NIM1K: variants seen among roughly 807,000 people sequenced by gnomAD.
NIM1K encodes the protein NIM1 serine/threonine protein kinase.
A neutral mutation model predicts 37.1 loss-of-function variants in NIM1K; 35 were observed. The ratio of observed to expected loss-of-function variants is 0.94; its 90% confidence interval spans 0.72 to 1.25. The LOEUF is 1.25. Ranked by LOEUF, NIM1K falls within the 50% of genes most tolerant of loss-of-function variation. The probability of loss-of-function intolerance (pLI) is 0.00; values close to 1 mark genes in which losing one functional copy is unlikely to be tolerated. For synonymous variants in NIM1K, 234 were observed against 206.6 expected, an observed-to-expected ratio of 1.13 and a Z score of -1.14; for missense variants, 564 against 548.0, an observed-to-expected ratio of 1.03 and a Z score of -0.29.
At position 43,253,817 on chromosome 5, in the gene NIM1K, G is replaced by T. The variant is rs564131773; in HGVS notation, c.292+7750G>T. 1.1e-3 allele frequency among the ~76,000 whole-genome samples: 170 copies of T among 152,120 alleles called. 2 individuals are homozygous for T. Among genetic ancestry groups the T allele is most frequent in the African/African-American group, 4.0e-3 (168 of 41,514 alleles). On this transcript the variant is annotated intron_variant, in intron 2 of 3. Coordinates refer to ENST00000326035, the MANE Select transcript of NIM1K (RefSeq NM_153361.4). ...TGGGATTACAGGCACACGCCACCAT[G>T]CTCGGCAATTTTTTTTTGTATCTTT...
intron 1 of NIM1K, among the ~76,000 whole-genome samples, chr5:43,238,926 A>G (rs910083050): frequency 3.2e-5 from 4 of 124,100 alleles, no homozygotes; most frequent in East Asian, 2.6e-4. Context: ...TAGAGAAAGT[A>G]ACAACCTATC....
intron 1 of NIM1K, among the ~76,000 whole-genome samples, chr5:43,233,456 C>G (rs1479236883): frequency 2.0e-5 from 3 of 152,162 alleles, no homozygotes; most frequent in Non-Finnish European, 4.4e-5. Flanking sequence ...ATGAGAGGCT[C>G]TTAATAAAGG....
chr5:43,243,841 A>G (rs1437535672), intron 1 of NIM1K, among the ~76,000 whole-genome samples: 2 of 152,148 alleles, frequency 1.3e-5, no homozygotes, highest in Non-Finnish European at 2.9e-5. Context: ...GCTAAGGGGT[A>G]CACCACCACA....
At chr5:43,233,495 T>C (rs1356559337) in intron 1 of NIM1K, among the ~76,000 whole-genome samples, 3 of 152,190 alleles carry the variant, frequency 2.0e-5, no homozygotes, top group Non-Finnish European at 4.4e-5. Flanking sequence ...ATTTTATGGT[T>C]TTATGGTGAT....
chr5:43,268,922 A>AT (rs1198660726), intron 2 of NIM1K, among the ~76,000 whole-genome samples: 1 of 151,132 alleles, frequency 6.6e-6, no homozygotes, highest in East Asian at 1.9e-4. Context: ...CAGTGATATA[A>AT]TTTTTGCAAA....
chr5:43,258,105 A>G (rs1752973545), intron 2 of NIM1K, among the ~76,000 whole-genome samples: 1 of 152,106 alleles, frequency 6.6e-6, no homozygotes, highest in Non-Finnish European at 1.5e-5. Context: ...CCTCCATTCT[A>G]TTCTCTACAT....
intron 1 of NIM1K, among the ~76,000 whole-genome samples, chr5:43,213,148 ATTTTCTTTCTTTCTTT>A (rs869242492): frequency 0.083 from 11,786 of 141,432 alleles, 866 homozygotes; most frequent in East Asian, 0.16. Flanking sequence ...AAAAATCTCC[ATTTTCTTTCTTTCTTT>A]TTTTCTTTCT....
At position 43,277,118 on chromosome 5, in the gene NIM1K, A is replaced by C. The variant is rs776314177; in HGVS notation, c.354A>C (p.Leu118=). The change falls in exon 3 of 4, where the codon CTA becomes CTC. Residue 118 remains leucine (L), a synonymous_variant. Coordinates refer to ENST00000326035, the MANE Select transcript of NIM1K (RefSeq NM_153361.4). The part of the protein sequence containing the change: ...TKLDQKTQRL[L]SREISSMEKL... Reference sequence around the variant, plus strand: ...TAGACCAGAAAACCCAGAGGCTACTATCCCGAGAAATCTCCAGCATGGAAA... The same window carrying C: ...TAGACCAGAAAACCCAGAGGCTACTCTCCCGAGAAATCTCCAGCATGGAAA... 1.2e-6 allele frequency: 2 copies of C among 1,614,158 alleles called. No individual in the cohort carries two copies. Among genetic ancestry groups the C allele is most frequent in the Admixed American group, 1.7e-5 (1 of 60,030 alleles).
intron 1 of NIM1K, among the ~76,000 whole-genome samples, chr5:43,197,223 G>A (rs975530763): frequency 6.6e-6 from 1 of 151,990 alleles, no homozygotes; most frequent in African/African-American, 2.4e-5. Context: ...AGAACTTCTG[G>A]GCACAAGTGA....
chr5:43,196,287 A>G (rs1751912838), intron 1 of NIM1K, among the ~76,000 whole-genome samples: 1 of 152,176 alleles, frequency 6.6e-6, no homozygotes, highest in Non-Finnish European at 1.5e-5. Context: ...AATTGTTCAA[A>G]TTGTTATCAT....
At chr5:43,238,138 G>C (rs1334643534) in intron 1 of NIM1K, among the ~76,000 whole-genome samples, 3 of 151,036 alleles carry the variant, frequency 2.0e-5, no homozygotes, top group Admixed American at 6.6e-5. Flanking sequence ...TGCCTCACGG[G>C]TTCACGCCAT....
chr5:43,200,434 A>G (rs1438764283), intron 1 of NIM1K, among the ~76,000 whole-genome samples: 1 of 152,000 alleles, frequency 6.6e-6, no homozygotes, highest in Admixed American at 6.5e-5. Context: ...CCGAGTAGCT[A>G]GGACTACAGG....
chr5:43,263,973 G>A (rs1271761177), intron 2 of NIM1K, among the ~76,000 whole-genome samples: 4 of 152,214 alleles, frequency 2.6e-5, no homozygotes, highest in African/African-American at 9.7e-5. Flanking sequence ...TGATTGCACT[G>A]TGGTCTGAGA....
Position 43,211,106 on chromosome 5 carries a change from AG to A in NIM1K, c.-695+18697del, listed in dbSNP as rs527807340. ...AGAATCACTTGAACCCAGGAGGCAA[AG>A]GTTGCAGTGAGCCGAGATTGCGCCA... On this transcript the variant is annotated intron_variant, in intron 1 of 3. Transcript: ENST00000326035. 5.2e-3 allele frequency among the ~76,000 whole-genome samples: 788 copies of A among 152,304 alleles called. 2 individuals are homozygous for A. Among genetic ancestry groups the A allele is most frequent in the African/African-American group, 0.018 (757 of 41,554 alleles).
chr5:43,222,737 AAAAAAAG>A (rs531634116), intron 1 of NIM1K, among the ~76,000 whole-genome samples: 5 of 152,000 alleles, frequency 3.3e-5, no homozygotes, highest in East Asian at 1.9e-4. Flanking sequence ...GTCCCTTAAA[AAAAAAAG>A]AAAAAAGAAA....
chr5:43,229,926 C>T (rs1415005859), intron 1 of NIM1K, among the ~76,000 whole-genome samples: 2 of 151,824 alleles, frequency 1.3e-5, no homozygotes, highest in Non-Finnish European at 1.5e-5. Context: ...GCCACCAAGC[C>T]CAGCCTAATT....
intron 1 of NIM1K, among the ~76,000 whole-genome samples, chr5:43,227,936 C>T (rs886629287): frequency 2.0e-5 from 3 of 152,034 alleles, no homozygotes; most frequent in Non-Finnish European, 2.9e-5. Context: ...AGATACTGAA[C>T]CTAGAGAGTG....
In NIM1K at chr5:43,198,196, T is replaced by TTTC. The variant is rs1561069913; in HGVS notation, c.-695+5788_-695+5790dup. On this transcript the variant is annotated intron_variant, in intron 1 of 3. Coordinates refer to ENST00000326035, the MANE Select transcript of NIM1K (RefSeq NM_153361.4). ...CTTTCTTTCTTTCTTTCTTTCTTTC[T>TTTC]TTCTTTCTTTCTCTTTCTTTCTTTC... Among the ~76,000 whole-genome samples the TTTC allele has an allele frequency of 1.1e-3, 49 of 44,008 alleles. 1 individual carries two copies. Among genetic ancestry groups the TTTC allele is most frequent in the African/African-American group, 4.0e-3 (49 of 12,188 alleles). The allele number at this position is 44,008 out of a possible 152,430, so 28.9% of individuals were successfully genotyped here.
intron 2 of NIM1K, among the ~76,000 whole-genome samples, chr5:43,253,933 T>C (rs1579981341): frequency 1.3e-5 from 2 of 152,306 alleles, no homozygotes; most frequent in East Asian, 3.9e-4. Flanking sequence ...AGTGCTGGGA[T>C]TACAGGCATG....
Sources: allele counts gnomAD v4.1 joint callset (sites outside exome capture counted in the v4.1 genomes callset), GRCh38; gene constraint gnomAD v4.1.1; transcripts MANE v1.5; gene names NCBI Gene and HGNC (gene_info 2026-07-23, HGNC 2026-07-21).